HAVCR1: variants seen among roughly 807,000 people sequenced by gnomAD.
HAVCR1 encodes hepatitis A virus cellular receptor 1.
HAVCR1 carries 34 observed loss-of-function variants against 32.0 expected under a neutral mutation model. The ratio of observed to expected loss-of-function variants is 1.06; its 90% confidence interval spans 0.81 to 1.42. The LOEUF is 1.42. HAVCR1 is among the 40% of genes most tolerant of loss of function. HAVCR1 has a pLI of 0.00. For missense variants in HAVCR1, 420 were observed against 442.3 expected (o/e 0.95, Z 0.45); for synonymous variants, 178 against 170.3 (o/e 1.05, Z -0.35).
chr5:157,057,403 G>GAAAGAAAT (rs1554092995), intron 2 of HAVCR1, among the ~76,000 whole-genome samples: 55 of 63,646 alleles, frequency 8.6e-4, no homozygotes, highest in African/African-American at 2.6e-3. Context: ...AAGAAAGAAA[G>GAAAGAAAT]AAAGAAAGAA....
At chr5:157,032,640 A>G (rs1368724975) in intron 8 of HAVCR1, among the ~76,000 whole-genome samples, 2 of 152,240 alleles carry the variant, frequency 1.3e-5, no homozygotes, top group Non-Finnish European at 2.9e-5. Flanking sequence ...CTTAGGATTG[A>G]GGTGCTCCCT....
intron 7 of HAVCR1, among the ~76,000 whole-genome samples, chr5:157,036,026 A>G (rs1205930488): frequency 6.6e-6 from 1 of 152,106 alleles, no homozygotes; most frequent in Admixed American, 6.6e-5. Context: ...CAATCCCCCA[A>G]GGGTACTGAG....
intron 5 of HAVCR1, among the ~76,000 whole-genome samples, chr5:157,044,620 A>AG (rs1755220977): frequency 3.0e-5 from 1 of 33,222 alleles, no homozygotes; most frequent in African/African-American, 8.5e-5. Context: ...AGAAAGAGAA[A>AG]GAAAGAAAGA....
In HAVCR1 at chr5:157,052,604, C is replaced by G; in HGVS notation, c.430G>C (p.Val144Leu). ...GTTGGAACAGTGGTGCTCGTTCGAACAGTCGTGACGGTTGGAACAGTTGTG... is the reference window on the plus strand; with the variant it reads ...GTTGGAACAGTGGTGCTCGTTCGAAGAGTCGTGACGGTTGGAACAGTTGTG... ...IVTTVPTVTTVRTSTTVPTTT... is the reference protein window; with the variant it reads ...IVTTVPTVTTLRTSTTVPTTT... Residue 144 changes from valine (V) to leucine (L), a missense_variant, in exon 4 of 9, where the codon GTT becomes CTT. Val to Leu is a conservative substitution (Grantham distance 32). Transcript: ENST00000523175. 6.2e-7 allele frequency: 1 copy of G among 1,612,812 alleles called. No homozygotes were observed. Among genetic ancestry groups the G allele is most frequent in the South Asian group, 1.1e-5 (1 of 90,904 alleles).
intron 3 of HAVCR1, among the ~76,000 whole-genome samples, chr5:157,053,382 T>TAAAAAAAAAAAAA (rs10654856): frequency 8.6e-6 from 1 of 116,816 alleles, no homozygotes; most frequent in Non-Finnish European, 1.7e-5. Flanking sequence ...GACCCTGTCT[T>TAAAAAAAAAAAAA]AAAAAAAAAA....
intron 5 of HAVCR1, among the ~76,000 whole-genome samples, chr5:157,045,073 A>G (rs1755302232): frequency 1.3e-5 from 2 of 152,160 alleles, no homozygotes; most frequent in South Asian, 2.1e-4. Flanking sequence ...AACCCTATAG[A>G]GACCATGTTT....
chr5:157,051,309 G>C (rs192799158), intron 4 of HAVCR1, among the ~76,000 whole-genome samples: 92 of 152,096 alleles, frequency 6.0e-4, no homozygotes, highest in Non-Finnish European at 1.2e-3. Context: ...ATAAATTAAA[G>C]GACCTTTGAA....
intron 6 of HAVCR1, among the ~76,000 whole-genome samples, chr5:157,040,413 T>C (rs1281467442): frequency 1.3e-5 from 2 of 152,258 alleles, no homozygotes; most frequent in Non-Finnish European, 1.5e-5. Context: ...GTGGTAGTTC[T>C]GATATTTAGC....
At position 157,029,779 on chromosome 5, in the gene HAVCR1, G is replaced by A. The variant is rs1581666688; in HGVS notation, c.1049C>T (p.Ala350Val). 6.2e-7 allele frequency: 1 copy of A among 1,611,520 alleles called. No individual in the cohort carries two copies. Among genetic ancestry groups the A allele is most frequent in the Non-Finnish European group, 8.5e-7 (1 of 1,178,634 alleles). The change falls in exon 9 of 9, where the codon GCA becomes GTA. Residue 350 changes from alanine (A) to valine (V), a missense_variant. By Grantham distance (64) the Ala-to-Val change is moderately conservative. Transcript: ENST00000523175. The part of the protein sequence containing the change: ...LQNAVEKEVQ[A>V]EDNIYIENSL... ...ATTCTCAATGTAGATATTGTCTTCT[G>A]CTTGGACTTCCTTTTCAACTGCATT...
chr5:157,051,811 C>T (rs1452821484), intron 4 of HAVCR1, among the ~76,000 whole-genome samples: 1 of 152,218 alleles, frequency 6.6e-6, no homozygotes, highest in Non-Finnish European at 1.5e-5. Flanking sequence ...CTTTTAGACT[C>T]TGTCTCAGTT....
At chr5:157,062,207 T>C (rs148101381), upstream of HAVCR1, among the ~76,000 whole-genome samples, 1 of 152,034 alleles carries the variant, frequency 6.6e-6, no homozygotes, top group Admixed American at 6.6e-5. Context: ...GGCAGTGAAT[T>C]GAAATGATTC....
intron 7 of HAVCR1, among the ~76,000 whole-genome samples, chr5:157,036,376 G>A (rs2113500685): frequency 6.6e-6 from 1 of 152,340 alleles, no homozygotes; most frequent in South Asian, 2.1e-4. Flanking sequence ...CTACTCAGGA[G>A]GCTGAGGCAG....
At chr5:157,044,457 A>G (rs984809473) in intron 5 of HAVCR1, among the ~76,000 whole-genome samples, 11 of 70,808 alleles carry the variant, frequency 1.6e-4, no homozygotes, top group African/African-American at 7.8e-4. Context: ...GAAAGAAAGA[A>G]AGAAAGAAAG....
chr5:157,040,682 C>T (rs1033614365), intron 6 of HAVCR1, among the ~76,000 whole-genome samples: 6 of 152,038 alleles, frequency 3.9e-5, no homozygotes, highest in African/African-American at 1.4e-4. Context: ...GGCAGATCAC[C>T]TGAGGTCAGG....
At chr5:157,030,461 G>A (rs957081384) in intron 8 of HAVCR1, among the ~76,000 whole-genome samples, 1 of 152,164 alleles carries the variant, frequency 6.6e-6, no homozygotes, top group African/African-American at 2.4e-5. Context: ...AGGCCAGCGT[G>A]AGCAACATAG....
At position 157,029,478 on chromosome 5, in the gene HAVCR1, T is replaced by G. The variant is rs778632402; in HGVS notation, c.*255A>C. On this transcript the variant is annotated 3_prime_UTR_variant, in exon 9 of 9. Coordinates refer to ENST00000523175, the MANE Select transcript of HAVCR1 (RefSeq NM_001173393.3). Reference sequence around the variant, plus strand: ...ACATACAATTATAAAGTGTTCATATTTGAGAGAAAACTGCAATGATCAGAA... The same window carrying G: ...ACATACAATTATAAAGTGTTCATATGTGAGAGAAAACTGCAATGATCAGAA... 36 of 761,814 alleles carry G rather than the reference T, an allele frequency of 4.7e-5. No homozygotes were observed. The highest frequency in any genetic ancestry group is 6.8e-5 in the Non-Finnish European group (32 of 469,444). 47.2% of individuals were successfully genotyped at this position (761,814 alleles called of 1,614,324 possible).
rs1755805058 is a variant in HAVCR1, at chr5:157,052,487, T to C, written c.547A>G (p.Thr183Ala). The change falls in exon 4 of 9, where the codon ACT becomes GCT. Residue 183 changes from threonine to alanine, a missense_variant. Thr to Ala is a moderately conservative substitution (Grantham distance 58, BLOSUM62 0). Coordinates refer to ENST00000523175, the MANE Select transcript of HAVCR1 (RefSeq NM_001173393.3). ...GGAACGCTCGTTGTCGTTGAAACAG[T>C]CATTGTCGTCAGAACAGTCGTTGTC... ...PTTTTVLTTMTVSTTTSVPTT... is the reference protein window; with the variant it reads ...PTTTTVLTTMAVSTTTSVPTT... The C allele has an allele frequency of 6.2e-7, 1 of 1,602,756 alleles. No homozygotes were observed. The highest frequency in any genetic ancestry group is 1.3e-5 in the African/African-American group (1 of 74,476).
chr5:157,052,328 A>T (rs1439270472), intron 4 of HAVCR1, 33 bp downstream of exon 4: 1 of 1,599,638 alleles, frequency 6.3e-7, no homozygotes, highest in East Asian at 2.2e-5. Flanking sequence ...CCTCATTAGA[A>T]GGCCTTTGGG....
chr5:157,066,552 G>T, the HAVCR1 span, among the ~76,000 whole-genome samples: 7 of 62,896 alleles, frequency 1.1e-4, no homozygotes, highest in Non-Finnish European at 2.1e-4. Flanking sequence ...GAAAATCCTG[G>T]GTGTTTTTTT....
Sources: allele counts gnomAD v4.1 joint callset (sites outside exome capture counted in the v4.1 genomes callset), GRCh38; gene constraint gnomAD v4.1.1; transcripts MANE v1.5; gene names NCBI Gene and HGNC (gene_info 2026-07-23, HGNC 2026-07-21).